PSMC4: variants seen among roughly 807,000 people sequenced by gnomAD.
PSMC4 encodes the protein 26S proteasome regulatory subunit 6B.
A neutral mutation model predicts 48.4 loss-of-function variants in PSMC4; 13 were observed. The ratio of observed to expected loss-of-function variants is 0.27; its 90% CI spans 0.18 to 0.43. The LOEUF is 0.43. Among genes scored for constraint, PSMC4 ranks in the 20% least tolerant of loss-of-function variants. PSMC4 has a pLI of 1.00. For synonymous variants in PSMC4, 202 were observed against 212.3 expected (o/e 0.95, Z 0.42); for missense variants, 262 against 555.9 (o/e 0.47, Z 5.32).
Position 39,980,529 on chromosome 19 carries a change from C to A in PSMC4, c.1087+75C>A. On this transcript the variant is annotated intron_variant, in intron 9 of 10. Coordinates refer to ENST00000157812, the MANE Select transcript of PSMC4 (RefSeq NM_006503.4). This position sits in a 1 kb window ranked among gnomAD's most constrained non-coding sequence, Gnocchi z 4.8. ...AGATCTTCAGCTCAACTTCTGCCAG[C>A]ACCACAGCCCAGACTGTGCAGGTGG... 1 of 1,593,322 alleles carries A rather than the reference C, an allele frequency of 6.3e-7. No homozygotes were observed. The highest frequency in any genetic ancestry group is 1.1e-5 in the South Asian group (1 of 89,996).
intron 1 of PSMC4, 95 bp from the exon 2 acceptor site, chr19:39,972,051 G>A: frequency 8.6e-7 from 1 of 1,157,436 alleles, no homozygotes; most frequent in Non-Finnish European, 1.3e-6. Flanking sequence ...AGTGACATCA[G>A]GGTGAAGTGG....
Position 39,980,356 on chromosome 19 carries a change from A to G in PSMC4, c.989A>G (p.Lys330Arg). Residue 330 changes from lysine to arginine, a missense_variant, in exon 9 of 11, where the codon AAA becomes AGA. By Grantham distance (26) the Lys-to-Arg change is conservative (BLOSUM62 2). This residue lies in a region of PSMC4 where 84 missense variants were observed against 157.8 expected (regional missense o/e 0.53). Transcript: ENST00000157812. The surrounding 1 kb of genome is among the most constrained non-coding windows in gnomAD (Gnocchi z 4.8). ...CTACGGCCAGGACGGCTGGACCGTA[A>G]AATTGAATTTCCACTTCCTGACCGC... is the stretch of plus-strand genomic sequence containing the variant. Reference protein sequence around the residue: ...ALLRPGRLDRKIEFPLPDRRQ... With the variant: ...ALLRPGRLDRRIEFPLPDRRQ... The G allele has an allele frequency of 6.2e-7, 1 of 1,614,108 alleles. No homozygotes were observed. The highest frequency in any genetic ancestry group is 8.5e-7 in the Non-Finnish European group (1 of 1,180,020).
At chr19:39,971,443 T>TG (rs1021221103) in intron 1 of PSMC4, among the ~76,000 whole-genome samples, 6 of 151,900 alleles carry the variant, frequency 3.9e-5, no homozygotes, top group African/African-American at 1.5e-4. Flanking sequence ...AAAGCGGGGC[T>TG]GGGGGAGTGA....
rs1298373194 is a variant in PSMC4, at chr19:39,979,861, C to T, written c.718C>T (p.Leu240=). 3.1e-6 allele frequency: 5 copies of T among 1,614,014 alleles called. No homozygotes were observed. The highest frequency in any genetic ancestry group is 4.2e-6 in the Non-Finnish European group (5 of 1,180,030). Residue 240 remains leucine (L), a synonymous_variant, in exon 7 of 11, where the codon CTG becomes TTG. Coordinates refer to ENST00000157812, the MANE Select transcript of PSMC4 (RefSeq NM_006503.4). ...VVGSEFVQKY[L]GEGPRMVRDV... is the part of the protein sequence containing the mutation. ...GGGCTCGGAGTTTGTACAGAAGTAT[C>T]TGGGTGAGGGCCCCCGCATGGTCCG...
chr19:39,975,760 G>A (rs1971187352), intron 6 of PSMC4, among the ~76,000 whole-genome samples: 1 of 152,148 alleles, frequency 6.6e-6, no homozygotes, highest in Admixed American at 6.5e-5. Context: ...ATAAATGTTA[G>A]CTGTTGTCAT....
Position 39,980,069 on chromosome 19 carries a change from G to A in PSMC4, c.842-1G>A. 1 of 1,614,184 alleles carries A rather than the reference G, an allele frequency of 6.2e-7. No individual in the cohort carries two copies. Among genetic ancestry groups the A allele is most frequent in the Non-Finnish European group, 8.5e-7 (1 of 1,180,040 alleles). ...GGACTGACTGTGCTGTGCACTCTCA[G>A]CCGACAGGGAGGTTCAGAGGATCCT... On this transcript the variant is annotated splice_acceptor_variant, in intron 7 of 10. Coordinates refer to ENST00000157812, the MANE Select transcript of PSMC4 (RefSeq NM_006503.4). LOFTEE classifies it high-confidence loss of function. This position sits in a 1 kb window ranked among gnomAD's most constrained non-coding sequence, Gnocchi z 4.8.
chr19:39,977,403 G>A (rs1196439460), intron 6 of PSMC4, among the ~76,000 whole-genome samples: 1 of 152,124 alleles, frequency 6.6e-6, no homozygotes, highest in Admixed American at 6.6e-5. Flanking sequence ...AGGTTCTGTC[G>A]TTTTTCTGAG....
Position 39,980,496 on chromosome 19 carries a change from C to T in PSMC4, c.1087+42C>T, listed in dbSNP as rs377606492. 1.2e-5 allele frequency: 20 copies of T among 1,608,346 alleles called. No individual in the cohort carries two copies. Among genetic ancestry groups the T allele is most frequent in the Admixed American group, 1.0e-4 (6 of 59,876 alleles). On this transcript the variant is annotated intron_variant, in intron 9 of 10. Transcript: ENST00000157812. This position sits in a 1 kb window ranked among gnomAD's most constrained non-coding sequence, Gnocchi z 4.8. Reference sequence around the variant, plus strand: ...GTCAGGGAGGGGCCCTAGTTGGGAACGGGGATTAGATCTTCAGCTCAACTT... The same window carrying T: ...GTCAGGGAGGGGCCCTAGTTGGGAATGGGGATTAGATCTTCAGCTCAACTT...
chr19:39,980,401 T>C lies in PSMC4; in HGVS notation c.1034T>C (p.Phe345Ser). Residue 345 changes from phenylalanine to serine, a missense_variant, in exon 9 of 11, where the codon TTC becomes TCC. Physicochemically the swap from Phe to Ser is radical, Grantham distance 155. Transcript: ENST00000157812. The surrounding 1 kb of genome is among the most constrained non-coding windows in gnomAD (Gnocchi z 4.8). ...GACCGCCGCCAGAAGAGATTGATTTTCTCCACTATCACTAGCAAGATGAAC... is the reference window on the plus strand; with the variant it reads ...GACCGCCGCCAGAAGAGATTGATTTCCTCCACTATCACTAGCAAGATGAAC... ...LPDRRQKRLIFSTITSKMNLS... is the reference protein window; with the variant it reads ...LPDRRQKRLISSTITSKMNLS... The C allele has an allele frequency of 6.2e-7, 1 of 1,614,146 alleles. No homozygotes were observed. Among genetic ancestry groups the C allele is most frequent in the Non-Finnish European group, 8.5e-7 (1 of 1,180,028 alleles).
At chr19:39,979,493 A>G (rs1419175099) in intron 6 of PSMC4, 2 of 191,676 alleles carry the variant, frequency 1.0e-5, no homozygotes, top group East Asian at 2.4e-4. Flanking sequence ...CCCTGAAGGC[A>G]GAAGTTGTGG....
chr19:39,979,705 G>C (rs1971259314), intron 6 of PSMC4, 112 bp from the exon 7 acceptor site: 9 of 1,123,472 alleles, frequency 8.0e-6, no homozygotes, highest in Non-Finnish European at 1.1e-5. Flanking sequence ...CAACTACTAG[G>C]TATGGGTATC....
chr19:39,981,494 G>A lies in PSMC4; in HGVS notation c.*189G>A. On this transcript the variant is annotated 3_prime_UTR_variant, in exon 11 of 11. Coordinates refer to ENST00000157812, the MANE Select transcript of PSMC4 (RefSeq NM_006503.4). Reference sequence around the variant, plus strand: ...CTTTGGAGAATGTGGGCCTTGAATAGGATCCTCTGGGTCCCTCTTAATCTG... The same window carrying A: ...CTTTGGAGAATGTGGGCCTTGAATAAGATCCTCTGGGTCCCTCTTAATCTG... 1 of 536,354 alleles carries A rather than the reference G, an allele frequency of 1.9e-6. No homozygotes were observed. The highest frequency in any genetic ancestry group is 3.4e-6 in the Non-Finnish European group (1 of 297,280). 33.2% of individuals were successfully genotyped at this position (536,354 alleles called of 1,614,324 possible).
rs370184381 is a variant in PSMC4 at position 39,980,323 on chromosome 19, C to T, written c.956C>T (p.Pro319Leu). The T allele has an allele frequency of 8.1e-6, 13 of 1,614,026 alleles. No individual in the cohort carries two copies. Among genetic ancestry groups the T allele is most frequent in the Non-Finnish European group, 1.0e-5 (12 of 1,180,018 alleles). The change falls in exon 9 of 11, where the codon CCG (proline) becomes CTG (leucine). Residue 319 changes from proline to leucine, a missense_variant. This residue lies in a region of PSMC4 where 84 missense variants were observed against 157.8 expected (regional missense o/e 0.53). Transcript: ENST00000157812. The surrounding 1 kb of genome is among the most constrained non-coding windows in gnomAD (Gnocchi z 4.8). Reference sequence around the variant, plus strand: ...ACAAACAGAGCAGACACCCTGGATCCGGCCCTGCTACGGCCAGGACGGCTG... The same window carrying T: ...ACAAACAGAGCAGACACCCTGGATCTGGCCCTGCTACGGCCAGGACGGCTG... ...MATNRADTLDPALLRPGRLDR... is the reference protein window; with the variant it reads ...MATNRADTLDLALLRPGRLDR...
intron 2 of PSMC4, 36 bp downstream of exon 2, chr19:39,972,280 C>T (rs1226120762): frequency 1.2e-6 from 2 of 1,610,406 alleles, no homozygotes; most frequent in Non-Finnish European, 1.7e-6. Flanking sequence ...TTGCACAGGA[C>T]CTGACATCTC....
chr19:39,972,121 A>G (rs769107738), intron 1 of PSMC4, 25 bp from the exon 2 acceptor site: 32 of 1,594,534 alleles, frequency 2.0e-5, no homozygotes, highest in Non-Finnish European at 2.7e-5. Context: ...TCTTCTTCCA[A>G]TGTGAGTTAT....
Position 39,974,177 on chromosome 19 carries a change from A to G in PSMC4, c.323-117A>G, listed in dbSNP as rs561788770. 3.8e-6 allele frequency: 5 copies of G among 1,324,070 alleles called. No homozygotes were observed. The East Asian group carries it at 7.3e-5, about 19-fold the overall frequency. 82.0% of individuals were successfully genotyped at this position (1,324,070 alleles called of 1,614,324 possible). On this transcript the variant is annotated intron_variant, in intron 3 of 10. Coordinates refer to ENST00000157812, the MANE Select transcript of PSMC4 (RefSeq NM_006503.4). The surrounding 1 kb of genome is among the most constrained non-coding windows in gnomAD (Gnocchi z 5.5). ...GCAGGAGGGAAGGCTGGAGGCCGAG[A>G]GGGGACCCCTCAGGGTCTGAACCAG...
intron 6 of PSMC4, among the ~76,000 whole-genome samples, chr19:39,975,684 T>C (rs2144614598): frequency 6.6e-6 from 1 of 152,278 alleles, no homozygotes; most frequent in East Asian, 1.9e-4. Context: ...GAAACAATCA[T>C]AGTACCTATT....
chr19:39,978,505 AAG>A (rs939792330), intron 6 of PSMC4, among the ~76,000 whole-genome samples: 1 of 152,118 alleles, frequency 6.6e-6, no homozygotes, highest in African/African-American at 2.4e-5. Context: ...AGTATCAAGA[AAG>A]AGGGACCCCT....
rs551992034 is a variant in PSMC4, at chr19:39,975,749, A to G, written c.673+921A>G. Among the ~76,000 whole-genome samples, 5 of 152,344 alleles carry G rather than the reference A, an allele frequency of 3.3e-5. No homozygotes were observed. The South Asian group carries it at 1.0e-3, about 32-fold the overall frequency. On this transcript the variant is annotated intron_variant, in intron 6 of 10. Coordinates refer to ENST00000157812, the MANE Select transcript of PSMC4 (RefSeq NM_006503.4). ...TTGATACAAAGCATCTGGAATGGGC[A>G]ATAAATGTTAGCTGTTGTCATTGTT...
Sources: gnomAD v4.1 joint callset for allele counts (sites outside exome capture counted in the v4.1 genomes callset) on GRCh38, gnomAD v4.1.1 for gene constraint, gnomAD v4.1.1 regional missense constraint, Gnocchi (gnomAD v3.1) non-coding constraint, MANE v1.5 for transcripts, NCBI Gene and HGNC (gene_info 2026-07-23, HGNC 2026-07-21) for gene names.